KLHL29: variants seen among roughly 807,000 people sequenced by gnomAD.
The protein encoded by KLHL29 is kelch like family member 29, also known as kelch-like protein 29.
A neutral mutation model predicts 80.4 loss-of-function variants in KLHL29; 21 were observed. The ratio of observed to expected loss-of-function variants is 0.26; its 90% CI spans 0.19 to 0.38. The LOEUF (loss-of-function observed/expected upper bound fraction) is 0.38, where lower values mean the gene tolerates loss of function less well. Among genes scored for constraint, KLHL29 ranks in the 10% least tolerant of loss-of-function variants. The probability of loss-of-function intolerance (pLI) is 1.00; values close to 1 mark genes in which losing one functional copy is unlikely to be tolerated. For missense variants in KLHL29, 867 were observed against 1,223.9 expected, an observed-to-expected ratio of 0.71 and a Z score of 4.35; for synonymous variants, 511 against 526.8, an observed-to-expected ratio of 0.97 and a Z score of 0.41.
chr2:23,471,156 ACT>A (rs1379662571), intron 1 of KLHL29, among the ~76,000 whole-genome samples: 2 of 151,584 alleles, frequency 1.3e-5, no homozygotes, highest in Non-Finnish European at 2.9e-5. Context: ...AGGAAGAAAG[ACT>A]CTTTGTTGCC....
Position 23,704,338 on chromosome 2 carries a change from C to T in KLHL29, c.2444+475C>T, listed in dbSNP as rs193284030. Among the ~76,000 whole-genome samples the T allele has an allele frequency of 1.5e-3, 230 of 152,314 alleles. 2 individuals are homozygous for T. The highest frequency in any genetic ancestry group is 4.9e-3 in the African/African-American group (203 of 41,572). ...TGACTGGGCAAAAGCACACACAAACCCACCCCTGCAGGCAGAGAAGGTAGA... is the reference window on the plus strand; with the variant it reads ...TGACTGGGCAAAAGCACACACAAACTCACCCCTGCAGGCAGAGAAGGTAGA... On this transcript the variant is annotated intron_variant, in intron 13 of 13. Coordinates refer to ENST00000486442, the MANE Select transcript of KLHL29 (RefSeq NM_052920.2).
intron 3 of KLHL29, among the ~76,000 whole-genome samples, chr2:23,637,083 G>A (rs1669632582): frequency 6.6e-6 from 1 of 152,128 alleles, no homozygotes; most frequent in African/African-American, 2.4e-5. Context: ...CAGGCAGGAG[G>A]GGCTTCTGTA....
chr2:23,613,620 C>T (rs948388820), intron 3 of KLHL29, among the ~76,000 whole-genome samples: 4 of 151,674 alleles, frequency 2.6e-5, no homozygotes, highest in Non-Finnish European at 4.4e-5. Context: ...AAACATTAGC[C>T]GGGGGTGGTG....
chr2:23,603,364 C>T (rs939520695), intron 3 of KLHL29, among the ~76,000 whole-genome samples: 3 of 152,108 alleles, frequency 2.0e-5, no homozygotes, highest in Non-Finnish European at 2.9e-5. Context: ...AAGGCTACAG[C>T]GGCGGCAGTC....
At chr2:23,515,622 C>T (rs952781150) in intron 2 of KLHL29, among the ~76,000 whole-genome samples, 56 of 152,198 alleles carry the variant, frequency 3.7e-4, no homozygotes, top group African/African-American at 1.3e-3. Context: ...ATCTGTCTGA[C>T]CATCCCCCAT....
At chr2:23,465,344 C>T (rs1664318898) in intron 1 of KLHL29, among the ~76,000 whole-genome samples, 1 of 152,214 alleles carries the variant, frequency 6.6e-6, no homozygotes, top group Non-Finnish European at 1.5e-5. Context: ...CTGCTCATGC[C>T]TCTCACCTGC....
At chr2:23,691,909 G>C in intron 7 of KLHL29, 33 bp downstream of exon 7, 1 of 1,539,048 alleles carries the variant, frequency 6.5e-7, no homozygotes, top group East Asian at 2.4e-5. Context: ...TCGCTTGGGG[G>C]GAAGAGTGCA....
intron 2 of KLHL29, among the ~76,000 whole-genome samples, chr2:23,485,110 C>G (rs748833850): frequency 2.0e-5 from 3 of 152,134 alleles, no homozygotes; most frequent in Non-Finnish European, 4.4e-5. Flanking sequence ...GTACTGAGGG[C>G]AGCCTGCAGA....
chr2:23,472,411 G>A (rs1416311927), intron 1 of KLHL29, among the ~76,000 whole-genome samples: 6 of 152,028 alleles, frequency 3.9e-5, no homozygotes, highest in Non-Finnish European at 7.4e-5. Flanking sequence ...CGAGGCGGGC[G>A]GATCACAAGG....
At chr2:23,469,054 C>G (rs1008058193) in intron 1 of KLHL29, among the ~76,000 whole-genome samples, 3 of 152,192 alleles carry the variant, frequency 2.0e-5, no homozygotes, top group African/African-American at 7.2e-5. Flanking sequence ...ATTTCTTTGC[C>G]TGTTGTTTTG....
chr2:23,627,857 TA>T (rs952324006), intron 3 of KLHL29, among the ~76,000 whole-genome samples: 3 of 149,664 alleles, frequency 2.0e-5, no homozygotes, highest in African/African-American at 7.4e-5. Flanking sequence ...TTTGCAATTT[TA>T]AAAAAAACCA....
At chr2:23,554,981 A>G (rs963011406) in intron 2 of KLHL29, among the ~76,000 whole-genome samples, 2 of 152,146 alleles carry the variant, frequency 1.3e-5, no homozygotes, top group African/African-American at 4.8e-5. Flanking sequence ...CTCAGGCCCC[A>G]GGTAGCCCAA....
At chr2:23,491,970 G>T (rs1665116717) in intron 2 of KLHL29, among the ~76,000 whole-genome samples, 1 of 152,042 alleles carries the variant, frequency 6.6e-6, no homozygotes, top group South Asian at 2.1e-4. Flanking sequence ...CATCCCCACT[G>T]CTCTTGACTT....
At position 23,691,690 on chromosome 2, in the gene KLHL29, G is replaced by A. The variant is rs371850727; in HGVS notation, c.1096G>A (p.Gly366Ser). Residue 366 changes from glycine (G) to serine (S), a missense_variant, in exon 7 of 14, where the codon GGC becomes AGC. Transcript: ENST00000486442. ...DLIQRSVQDS[G>S]QGGREKLELV... ...TGTGCCTAGGTCCGTGCAAGACAGC[G>A]GCCAGGGCGGCCGGGAGAAGCTGGA... is the stretch of plus-strand genomic sequence containing the variant. 363 of 1,551,618 alleles carry A rather than the reference G, an allele frequency of 2.3e-4. No individual in the cohort carries two copies. The highest frequency in any genetic ancestry group is 2.8e-4 in the Non-Finnish European group (323 of 1,147,014).
At position 23,511,299 on chromosome 2, in the gene KLHL29, G is replaced by A. The variant is rs140875531; in HGVS notation, c.-46+35632G>A. 9.8e-4 allele frequency among the ~76,000 whole-genome samples: 150 copies of A among 152,298 alleles called. 1 individual carries two copies. The East Asian group carries it at 0.017, about 18-fold the overall frequency. ...GTGCCATCGCATGGGTAAATAAAGGGTACAGCACAGCCTCACCTTCAAGGA... is the reference window on the plus strand; with the variant it reads ...GTGCCATCGCATGGGTAAATAAAGGATACAGCACAGCCTCACCTTCAAGGA... On this transcript the variant is annotated intron_variant, in intron 2 of 13. Transcript: ENST00000486442.
chr2:23,614,066 G>A (rs905389211), intron 3 of KLHL29, among the ~76,000 whole-genome samples: 2 of 152,152 alleles, frequency 1.3e-5, no homozygotes, highest in Non-Finnish European at 2.9e-5. Context: ...AGATAGATGC[G>A]TATCTGACGG....
At chr2:23,685,525 CTG>C (rs1287332200) in intron 6 of KLHL29, 2 of 152,450 alleles carry the variant, frequency 1.3e-5, no homozygotes, top group South Asian at 2.1e-4. Context: ...CCCGGAGTGA[CTG>C]TGTTTTGTTT....
chr2:23,426,606 C>T (rs888754499), intron 1 of KLHL29, among the ~76,000 whole-genome samples: 3 of 152,268 alleles, frequency 2.0e-5, no homozygotes, highest in Non-Finnish European at 2.9e-5. Flanking sequence ...AGAATGTCTC[C>T]TGCCCTGGCT....
intron 2 of KLHL29, chr2:23,507,363 A>T (rs1558364874): frequency 6.0e-6 from 1 of 166,182 alleles, no homozygotes; most frequent in Non-Finnish European, 1.3e-5. Context: ...AGATAATAAG[A>T]TTACCCATTT....
Sources: gnomAD v4.1 joint callset for allele counts (sites outside exome capture counted in the v4.1 genomes callset) on GRCh38, gnomAD v4.1.1 for gene constraint, MANE v1.5 for transcripts, NCBI Gene and HGNC (gene_info 2026-07-23, HGNC 2026-07-21) for gene names.